Variants in KCNQ1 observed in about 807,000 individuals in gnomAD.
KCNQ1 encodes the protein potassium voltage-gated channel subfamily KQT member 1.
Under a neutral mutation model 72.4 loss-of-function variants are expected in KCNQ1, and 49 were observed. The ratio of observed to expected loss-of-function variants is 0.68; its 90% CI spans 0.54 to 0.86. The LOEUF (loss-of-function observed/expected upper bound fraction) is 0.86, where lower values mean the gene tolerates loss of function less well. KCNQ1 is among the 40% of genes least tolerant of loss of function. The pLI is 0.00. For synonymous variants in KCNQ1, 450 were observed against 412.6 expected (o/e 1.09, Z -1.10); for missense variants, 790 against 945.1 (o/e 0.84, Z 2.15).
At chr11:2,504,907 C>G (rs1208697091) in intron 1 of KCNQ1, among the ~76,000 whole-genome samples, 1 of 152,132 alleles carries the variant, frequency 6.6e-6, no homozygotes, top group Non-Finnish European at 1.5e-5. Flanking sequence ...ACCTATACAC[C>G]TACTATGTAC....
intron 11 of KCNQ1, chr11:2,694,978 G>C (rs1850650633): frequency 1.3e-5 from 5 of 398,598 alleles, no homozygotes; most frequent in Admixed American, 4.4e-5. Context: ...CAAAGAAGAA[G>C]AAGGCTGGCA....
intron 1 of KCNQ1, among the ~76,000 whole-genome samples, chr11:2,470,601 G>GAC (rs1846432244): frequency 1.3e-5 from 2 of 151,700 alleles, no homozygotes; most frequent in Non-Finnish European, 2.9e-5. Context: ...AAGGGAGGGG[G>GAC]TGTGATGATA....
chr11:2,452,894 G>A (rs546247926), intron 1 of KCNQ1, among the ~76,000 whole-genome samples: 1 of 152,304 alleles, frequency 6.6e-6, no homozygotes, highest in African/African-American at 2.4e-5. Flanking sequence ...GGGTGGCCAT[G>A]TGGAAAGTGA....
chr11:2,461,560 T>C (rs563839520), intron 1 of KCNQ1: 1 of 1,353,162 alleles, frequency 7.4e-7, no homozygotes, highest in Admixed American at 1.9e-5. Context: ...GGGCCTGGAT[T>C]TACTCAGCCC....
At position 2,536,664 on chromosome 11, in the gene KCNQ1, C is replaced by T. The variant is rs560840957; in HGVS notation, c.477+8646C>T. Among the ~76,000 whole-genome samples the T allele has an allele frequency of 3.3e-5, 5 of 152,338 alleles. No homozygotes were observed. The highest frequency in any genetic ancestry group is 3.9e-4 in the East Asian group (2 of 5,176). ...GGCTTCCCAGGCTGGGCTTCAAAACCGGACACAGGGCGTGGCTCTCCCTCC... is the reference window on the plus strand; with the variant it reads ...GGCTTCCCAGGCTGGGCTTCAAAACTGGACACAGGGCGTGGCTCTCCCTCC... On this transcript the variant is annotated intron_variant, in intron 2 of 15. Transcript: ENST00000155840. This position sits in a 1 kb window ranked among gnomAD's most constrained non-coding sequence, Gnocchi z 7.4.
intron 6 of KCNQ1, among the ~76,000 whole-genome samples, chr11:2,574,803 C>G (rs889493152): frequency 6.6e-6 from 1 of 152,214 alleles, no homozygotes; most frequent in African/African-American, 2.4e-5. Flanking sequence ...CATGCTGACA[C>G]AGCTCCTGGG....
intron 11 of KCNQ1, chr11:2,692,911 A>G (rs1850611547): frequency 2.5e-6 from 1 of 398,682 alleles, no homozygotes; most frequent in Non-Finnish European, 4.4e-6. Context: ...AATCAACTGT[A>G]GCATGGCCTA....
At chr11:2,502,305 C>A (rs530417696) in intron 1 of KCNQ1, among the ~76,000 whole-genome samples, 1 of 151,908 alleles carries the variant, frequency 6.6e-6, no homozygotes, top group Non-Finnish European at 1.5e-5. Flanking sequence ...ATCTAAAGAC[C>A]CCACAAAAAA....
rs548893854 is a variant in KCNQ1 at position 2,740,283 on chromosome 11, A to T, written c.1515-28561A>T. 5.3e-5 allele frequency among the ~76,000 whole-genome samples: 8 copies of T among 152,334 alleles called. No individual in the cohort carries two copies. The South Asian group carries it at 1.7e-3, about 32-fold the overall frequency. On this transcript the variant is annotated intron_variant, in intron 11 of 15. Transcript: ENST00000155840. ...CTGCTGGGCAACTAACAAATTCAGCAAATTCTTCTTTTTATTGTGTATGTT... is the reference window on the plus strand; with the variant it reads ...CTGCTGGGCAACTAACAAATTCAGCTAATTCTTCTTTTTATTGTGTATGTT...
At chr11:2,693,192 C>T (rs765904999) in intron 11 of KCNQ1, 7 of 398,576 alleles carry the variant, frequency 1.8e-5, no homozygotes, top group Admixed American at 4.4e-5. Context: ...TCTGGCTCTG[C>T]GTTCCAGTCA....
In KCNQ1 at chr11:2,599,508, G is replaced by A. The variant is rs1192287484; in HGVS notation, c.1393+10654G>A. On this transcript the variant is annotated intron_variant, in intron 10 of 15. Coordinates refer to ENST00000155840, the MANE Select transcript of KCNQ1 (RefSeq NM_000218.3). This position sits in a 1 kb window ranked among gnomAD's most constrained non-coding sequence, Gnocchi z 4.7. ...GTTCTTGAACCTGTTTCTATGTACA[G>A]AACTTTTATTTCTATGTGTTAACTT... 1.3e-5 allele frequency among the ~76,000 whole-genome samples: 2 copies of A among 152,098 alleles called. No homozygotes were observed. Among genetic ancestry groups the A allele is most frequent in the Non-Finnish European group, 2.9e-5 (2 of 68,018 alleles).
intron 11 of KCNQ1, among the ~76,000 whole-genome samples, chr11:2,731,401 GTGTGTC>G (rs1303430377): frequency 2.6e-5 from 4 of 152,246 alleles, no homozygotes; most frequent in African/African-American, 9.6e-5. Flanking sequence ...CATTCCGGCT[GTGTGTC>G]AGCGGGAGAG....
intron 15 of KCNQ1, among the ~76,000 whole-genome samples, chr11:2,801,722 C>A (rs921066698): frequency 2.0e-5 from 3 of 152,232 alleles, no homozygotes; most frequent in Non-Finnish European, 4.4e-5. Context: ...TCCGTCGGGC[C>A]ACTGGAGCCT....
rs3831584 is a variant in KCNQ1 at position 2,682,475 on chromosome 11, C to CGAGTGAGTGAGTGAGTGAGT, written c.1514+20407_1514+20426dup. 206 of 394,094 alleles carry CGAGTGAGTGAGTGAGTGAGT rather than the reference C, an allele frequency of 5.2e-4. No homozygotes were observed. Among genetic ancestry groups the CGAGTGAGTGAGTGAGTGAGT allele is most frequent in the African/African-American group, 3.6e-3 (174 of 47,818 alleles). 24.4% of individuals were successfully genotyped at this position (394,094 alleles called of 1,614,324 possible). A position where few individuals can be genotyped will look rare whatever the true frequency, so the allele number is the denominator to read the frequency against. ...TCACGGACCCTCAGTGAATGTTTGACGAGTGAGTGAGTGAGTGAGTGAGTG... is the reference window on the plus strand; with the variant it reads ...TCACGGACCCTCAGTGAATGTTTGACGAGTGAGTGAGTGAGTGAGTGAGTGAGTGAGTGAGTGAGTGAGTG... On this transcript the variant is annotated intron_variant, in intron 11 of 15. Coordinates refer to ENST00000155840, the MANE Select transcript of KCNQ1 (RefSeq NM_000218.3). The surrounding 1 kb of genome is among the most constrained non-coding windows in gnomAD (Gnocchi z 5.8).
rs899022809 is a variant in KCNQ1, at chr11:2,715,272, C to T, written c.1514+53191C>T. ...TTTGGTGCTGAGCCTCTGTCTGACT[C>T]TCTGCTCTCTGGAGAGCTCAAGGGA... On this transcript the variant is annotated intron_variant, in intron 11 of 15. Transcript: ENST00000155840. This position sits in a 1 kb window ranked among gnomAD's most constrained non-coding sequence, Gnocchi z 4.9. Among the ~76,000 whole-genome samples the T allele has an allele frequency of 2.6e-5, 4 of 152,122 alleles. No individual in the cohort carries two copies. The highest frequency in any genetic ancestry group is 5.9e-5 in the Non-Finnish European group (4 of 68,014).
intron 11 of KCNQ1, among the ~76,000 whole-genome samples, chr11:2,754,953 C>G (rs73419379): frequency 0.02 from 3,033 of 152,272 alleles, 110 homozygotes; most frequent in African/African-American, 0.069. Flanking sequence ...ACTGGTTTAA[C>G]AGGTGACCCC....
rs231350 is a variant in KCNQ1, at chr11:2,692,419, C to A, written c.1514+30338C>A. On this transcript the variant is annotated intron_variant, in intron 11 of 15. Coordinates refer to ENST00000155840, the MANE Select transcript of KCNQ1 (RefSeq NM_000218.3). ...ATCAATTATCTACTCAGTGGACAGA[C>A]ATCCTTTCAAAGTTTAGAGACCTGT... 0.43 allele frequency: 170,346 copies of A among 398,446 alleles called. 41,691 individuals are homozygous for A. Among genetic ancestry groups the A allele is most frequent in the East Asian group, 0.96 (27,029 of 28,084 alleles). The allele number at this position is 398,446 out of a possible 1,614,324, so 24.7% of individuals were successfully genotyped here. A position where few individuals can be genotyped will look rare whatever the true frequency, so the allele number is the denominator to read the frequency against.
Position 2,541,222 on chromosome 11 carries a change from T to C in KCNQ1, c.477+13204T>C, listed in dbSNP as rs1393268176. Among the ~76,000 whole-genome samples, 1 of 152,212 alleles carries C rather than the reference T, an allele frequency of 6.6e-6. No individual in the cohort carries two copies. The highest frequency in any genetic ancestry group is 1.9e-4 in the East Asian group (1 of 5,184). On this transcript the variant is annotated intron_variant, in intron 2 of 15. Coordinates refer to ENST00000155840, the MANE Select transcript of KCNQ1 (RefSeq NM_000218.3). The surrounding 1 kb of genome is among the most constrained non-coding windows in gnomAD (Gnocchi z 4.8). Reference sequence around the variant, plus strand: ...ATGGGAAGCCTGGATGAGAACAAAATGTCAAGTGTGTGCCGAGAGGCGCAG... The same window carrying C: ...ATGGGAAGCCTGGATGAGAACAAAACGTCAAGTGTGTGCCGAGAGGCGCAG...
rs1404788863 is a variant in KCNQ1 at position 2,848,253 on chromosome 11, C to A, written c.*250C>A. 12 of 647,004 alleles carry A rather than the reference C, an allele frequency of 1.9e-5. No individual in the cohort carries two copies. The highest frequency in any genetic ancestry group is 2.5e-5 in the Non-Finnish European group (9 of 354,840). 40.1% of individuals were successfully genotyped at this position (647,004 alleles called of 1,614,324 possible). On this transcript the variant is annotated 3_prime_UTR_variant, in exon 16 of 16. Transcript: ENST00000155840. ...AGTTGTTACCCCAAGCGCCCTGGCC[C>A]CCACATGGTGATGTTGACATCACTG...
Sources: allele counts gnomAD v4.1 joint callset (sites outside exome capture counted in the v4.1 genomes callset), GRCh38; gene constraint gnomAD v4.1.1; non-coding constraint Gnocchi (gnomAD v3.1); transcripts MANE v1.5; gene names NCBI Gene and HGNC (gene_info 2026-07-23, HGNC 2026-07-21).